The following SUPT3H variants were observed in gnomAD, a reference collection of about 807,000 sequenced individuals.
The protein encoded by SUPT3H is transcription initiation protein SPT3 homolog.
In SUPT3H, 44 loss-of-function variants were observed where a neutral mutation model predicts 44.3. That is an observed-to-expected ratio of 0.99 (90% CI 0.78 to 1.28). The LOEUF (loss-of-function observed/expected upper bound fraction) is 1.28. Ranked by LOEUF, SUPT3H falls within the 50% of genes most tolerant of loss-of-function variation. The pLI is 0.00. For missense variants in SUPT3H, 380 were observed against 387.1 expected (o/e 0.98, Z 0.15); for synonymous variants, 124 against 125.6 (o/e 0.99, Z 0.09).
intron 2 of SUPT3H, among the ~76,000 whole-genome samples, chr6:45,144,882 G>A (rs1048015843): frequency 6.6e-6 from 1 of 151,978 alleles, no homozygotes; most frequent in Non-Finnish European, 1.5e-5. Context: ...TAACAACGAC[G>A]AAGCTGAGAA....
intron 10 of SUPT3H, among the ~76,000 whole-genome samples, chr6:44,894,403 G>A (rs1763791738): frequency 6.6e-6 from 1 of 152,158 alleles, no homozygotes; most frequent in South Asian, 2.1e-4. Context: ...TTTTGTATAA[G>A]GTGTAAGGAA....
intron 2 of SUPT3H, among the ~76,000 whole-genome samples, chr6:45,304,739 C>T (rs141822225): frequency 2.7e-5 from 1 of 36,790 alleles, no homozygotes; most frequent in African/African-American, 1.2e-4. Context: ...TGCTTATCCT[C>T]GCAAAGTAAC....
intron 2 of SUPT3H, among the ~76,000 whole-genome samples, chr6:45,130,969 G>C (rs146855053): frequency 1.3e-5 from 2 of 151,272 alleles, no homozygotes; most frequent in African/African-American, 4.9e-5. Flanking sequence ...TGCCAGCCTC[G>C]GTCTCCCAAA....
At chr6:45,058,289 G>GC (rs1316149218) in intron 3 of SUPT3H, among the ~76,000 whole-genome samples, 1 of 152,010 alleles carries the variant, frequency 6.6e-6, no homozygotes, top group African/African-American at 2.4e-5. Context: ...TGGCAGTTTA[G>GC]CAATTGATTT....
At chr6:45,048,853 A>G (rs1318069880) in intron 3 of SUPT3H, among the ~76,000 whole-genome samples, 1 of 151,882 alleles carries the variant, frequency 6.6e-6, no homozygotes, top group East Asian at 1.9e-4. Flanking sequence ...ACGGAAGTAG[A>G]GAGTAGAATG....
intron 2 of SUPT3H, among the ~76,000 whole-genome samples, chr6:45,182,858 G>A (rs1813531133): frequency 6.6e-6 from 1 of 152,192 alleles, no homozygotes; most frequent in Non-Finnish European, 1.5e-5. Context: ...GGAGGAACTT[G>A]AATCCTATTA....
intron 6 of SUPT3H, among the ~76,000 whole-genome samples, chr6:44,993,137 T>C (rs1395171474): frequency 2.0e-5 from 3 of 152,102 alleles, no homozygotes; most frequent in Non-Finnish European, 4.4e-5. Flanking sequence ...CATTTCAGCC[T>C]GGGGAACAGA....
intron 6 of SUPT3H, among the ~76,000 whole-genome samples, chr6:44,989,045 T>C (rs1780235560): frequency 6.6e-6 from 1 of 152,224 alleles, no homozygotes; most frequent in African/African-American, 2.4e-5. Flanking sequence ...TGGCCTATAG[T>C]TGTATGTGAA....
At chr6:45,158,521 A>G (rs76323136) in intron 2 of SUPT3H, among the ~76,000 whole-genome samples, 7,780 of 151,796 alleles carry the variant, frequency 0.051, 292 homozygotes, top group Non-Finnish European at 0.079. Flanking sequence ...GGTTGACTCC[A>G]CCAACCTCAA....
In SUPT3H at chr6:45,134,915, C is replaced by T. The variant is rs536240993; in HGVS notation, c.102-28909G>A. 1.6e-3 allele frequency among the ~76,000 whole-genome samples: 247 copies of T among 152,274 alleles called. 2 individuals are homozygous for T. Among genetic ancestry groups the T allele is most frequent in the African/African-American group, 5.5e-3 (230 of 41,550 alleles). On this transcript the variant is annotated intron_variant, in intron 2 of 10. Coordinates refer to ENST00000371459, the MANE Select transcript of SUPT3H (RefSeq NM_003599.4). ...GAGACTCTCTGTGGCAGCTCTACCC[C>T]TACAGCAGGTTTTTTCTGGGACCTC...
At chr6:45,353,342 T>C (rs1270719350) in intron 2 of SUPT3H, among the ~76,000 whole-genome samples, 2 of 152,044 alleles carry the variant, frequency 1.3e-5, no homozygotes, top group African/African-American at 2.4e-5. Flanking sequence ...GTCAAAAATA[T>C]TTTAAAAAGA....
intron 10 of SUPT3H, among the ~76,000 whole-genome samples, chr6:44,878,390 C>G (rs950708252): frequency 6.6e-6 from 1 of 151,998 alleles, no homozygotes; most frequent in Admixed American, 6.6e-5. Flanking sequence ...TGTTTCTAAT[C>G]TCCTATCATA....
chr6:45,229,885 C>G (rs1767632488), intron 2 of SUPT3H, among the ~76,000 whole-genome samples: 1 of 152,022 alleles, frequency 6.6e-6, no homozygotes, highest in Non-Finnish European at 1.5e-5. Flanking sequence ...CTTACTAGTA[C>G]AGTCACCCTA....
At chr6:45,314,690 G>T (rs2150005658) in intron 2 of SUPT3H, among the ~76,000 whole-genome samples, 2 of 152,212 alleles carry the variant, frequency 1.3e-5, no homozygotes, top group Admixed American at 1.3e-4. Context: ...GCCAGAATCA[G>T]TATTGTGAAA....
chr6:44,843,913 AC>A (rs1771407578), intron 10 of SUPT3H, among the ~76,000 whole-genome samples: 2 of 44,216 alleles, frequency 4.5e-5, no homozygotes, highest in African/African-American at 1.4e-4. Context: ...AAACACACAC[AC>A]ACACACACAC....
intron 3 of SUPT3H, among the ~76,000 whole-genome samples, chr6:45,091,385 ATTC>A (rs1161730160): frequency 1.3e-5 from 2 of 152,056 alleles, no homozygotes; most frequent in Non-Finnish European, 2.9e-5. Context: ...TGAAAACAAT[ATTC>A]TTCTTACTGC....
intron 2 of SUPT3H, among the ~76,000 whole-genome samples, chr6:45,118,679 T>A (rs1801178586): frequency 6.6e-6 from 1 of 152,142 alleles, no homozygotes; most frequent in African/African-American, 2.4e-5. Flanking sequence ...CAAACTTAGT[T>A]CGAGGGGTAC....
In SUPT3H at chr6:45,267,185, C is replaced by G. The variant is rs73735333; in HGVS notation, c.101+98016G>C. ...GTATTTTGGATATGAGATACTCAAC[C>G]TGTATTATTGAAAAGGCTGACCATG... On this transcript the variant is annotated intron_variant, in intron 2 of 10. Transcript: ENST00000371459. Among the ~76,000 whole-genome samples, 592 of 152,200 alleles carry G rather than the reference C, an allele frequency of 3.9e-3. 7 individuals carry two copies. Among genetic ancestry groups the G allele is most frequent in the African/African-American group, 0.014 (564 of 41,540 alleles).
intron 2 of SUPT3H, among the ~76,000 whole-genome samples, chr6:45,228,582 C>A (rs1019083142): frequency 1.3e-5 from 2 of 152,150 alleles, no homozygotes; most frequent in Non-Finnish European, 2.9e-5. Context: ...TATGCAAACA[C>A]CCGCGCGCGC....
Sources: allele counts gnomAD v4.1 joint callset (sites outside exome capture counted in the v4.1 genomes callset), GRCh38; gene constraint gnomAD v4.1.1; transcripts MANE v1.5; gene names NCBI Gene and HGNC (gene_info 2026-07-23, HGNC 2026-07-21).